Variants in NCAPH2 observed in about 807,000 individuals in gnomAD.
NCAPH2 encodes condensin-2 complex subunit H2.
In NCAPH2, 56 loss-of-function variants were observed where a neutral mutation model predicts 88.6. That is an observed-to-expected ratio of 0.63 (90% CI 0.51 to 0.79). NCAPH2 has a LOEUF of 0.79. Ranked by LOEUF, NCAPH2 falls within the 30% of genes least tolerant of loss-of-function variation. The pLI is 0.00. For missense variants in NCAPH2, 794 were observed against 792.0 expected (o/e 1.00, Z -0.03); for synonymous variants, 378 against 313.6 (o/e 1.21, Z -2.17).
In NCAPH2 at chr22:50,508,399, A is replaced by G; in HGVS notation, c.62A>G (p.Asn21Ser). The change falls in exon 1 of 20, where the codon AAC becomes AGC. Residue 21 changes from asparagine (N) to serine (S), a missense_variant. Asn to Ser is a conservative substitution (Grantham distance 46). Around this residue, in one of 2 missense-constraint regions of NCAPH2, gnomAD observed 59 missense variants for 95.7 expected, o/e 0.62. Transcript: ENST00000420993. ...LLQPIRDLTK[N>S]WEVDVAAQLG... Reference sequence around the variant, plus strand: ...CAGCCCATCCGCGACCTCACCAAGAACTGGGAGGTGGACGTGGCGGCCCAG... The same window carrying G: ...CAGCCCATCCGCGACCTCACCAAGAGCTGGGAGGTGGACGTGGCGGCCCAG... 1 of 1,475,812 alleles carries G rather than the reference A, an allele frequency of 6.8e-7. No individual in the cohort carries two copies. Among genetic ancestry groups the G allele is most frequent in the Non-Finnish European group, 9.0e-7 (1 of 1,115,216 alleles). 91.4% of individuals were successfully genotyped at this position (1,475,812 alleles called of 1,614,324 possible). A position where few individuals can be genotyped will look rare whatever the true frequency, so the allele number is the denominator to read the frequency against.
Position 50,524,662 on chromosome 22 carries a change from C to T in NCAPH2, c.*1287C>T. On this transcript the variant is annotated 3_prime_UTR_variant, in exon 20 of 20. Coordinates refer to ENST00000420993, the MANE Select transcript of NCAPH2 (RefSeq NM_152299.4). Reference sequence around the variant, plus strand: ...GGGATCACCAGCCTGTCACCGCACCCTGCCCTGCACCTGCACCTCAGCAAG... The same window carrying T: ...GGGATCACCAGCCTGTCACCGCACCTTGCCCTGCACCTGCACCTCAGCAAG... 1 of 690,046 alleles carries T rather than the reference C, an allele frequency of 1.4e-6. No homozygotes were observed. Among genetic ancestry groups the T allele is most frequent in the Non-Finnish European group, 2.7e-6 (1 of 367,666 alleles). 42.7% of individuals were successfully genotyped at this position (690,046 alleles called of 1,614,324 possible).
intron 1 of NCAPH2, among the ~76,000 whole-genome samples, chr22:50,509,988 G>T (rs555013520): frequency 6.6e-6 from 1 of 152,070 alleles, no homozygotes; most frequent in Non-Finnish European, 1.5e-5. Context: ...GCAGTGGCGC[G>T]ATCTGAGCTC....
intron 8 of NCAPH2, 92 bp from the exon 9 acceptor site, chr22:50,519,098 A>T: frequency 1.6e-6 from 2 of 1,275,576 alleles, no homozygotes; most frequent in Non-Finnish European, 2.1e-6. Context: ...TCCGTGACTA[A>T]AGCTGAGGGA....
At chr22:50,508,571 G>A in intron 1 of NCAPH2, 126 bp downstream of exon 1, 2 of 600,798 alleles carry the variant, frequency 3.3e-6, no homozygotes, top group Non-Finnish European at 5.2e-6. Context: ...CTCTGGCCGC[G>A]CAGGTCCTCG....
chr22:50,523,769 C>A lies in NCAPH2; in HGVS notation c.*394C>A. 1.2e-6 allele frequency: 2 copies of A among 1,614,166 alleles called. 1 individual carries two copies. Among genetic ancestry groups the A allele is most frequent in the South Asian group, 2.2e-5 (2 of 91,084 alleles). ...TCCACGATGTAGTCCTGGTCCTCAT[C>A]CTTGGGGCCTGCATTGTAGTACACG... On this transcript the variant is annotated 3_prime_UTR_variant, in exon 20 of 20. Coordinates refer to ENST00000420993, the MANE Select transcript of NCAPH2 (RefSeq NM_152299.4).
chr22:50,519,520 G>C (rs2069025239), intron 9 of NCAPH2, 200 bp downstream of exon 9: 2 of 1,416,350 alleles, frequency 1.4e-6, no homozygotes, highest in Admixed American at 3.0e-5. Context: ...TCCCCTCTCT[G>C]AGCAGAACTG....
Position 50,508,233 on chromosome 22 carries a change from TG to T in NCAPH2, c.-102del. 2.3e-6 allele frequency: 2 copies of T among 875,818 alleles called. No individual in the cohort carries two copies. Among genetic ancestry groups the T allele is most frequent in the Non-Finnish European group, 1.7e-6 (1 of 599,248 alleles). The allele number at this position is 875,818 out of a possible 1,614,324, so 54.3% of individuals were successfully genotyped here. Reference sequence around the variant, plus strand: ...GCGACGCCGCGCCTACGCATTTTCCTGGGCGGGAACAGCAAAATGGCGCCAG... The same window carrying T: ...GCGACGCCGCGCCTACGCATTTTCCTGGCGGGAACAGCAAAATGGCGCCAG... On this transcript the variant is annotated 5_prime_UTR_variant, in exon 1 of 20. Coordinates refer to ENST00000420993, the MANE Select transcript of NCAPH2 (RefSeq NM_152299.4).
rs200790371 is a variant in NCAPH2 at position 50,522,361 on chromosome 22, C to T, written c.1252C>T (p.Arg418Trp). The T allele has an allele frequency of 1.2e-5, 19 of 1,605,704 alleles. No homozygotes were observed. Among genetic ancestry groups the T allele is most frequent in the Non-Finnish European group, 1.4e-5 (17 of 1,175,406 alleles). Residue 418 changes from arginine to tryptophan, a missense_variant, in exon 15 of 20, where the codon CGG becomes TGG. Physicochemically the swap from Arg to Trp is moderately radical, Grantham distance 101. Transcript: ENST00000420993. The stretch of plus-strand genomic sequence containing the variant: ...TGGACAGGTGGCTGAGCAGTGGCTG[C>T]GGCCTGCAGAGGAGGACCACCTGGA... ...QRREVAEQWL[R>W]PAEEDHLEDS...
At chr22:50,513,059 T>C (rs1424599210) in intron 1 of NCAPH2, among the ~76,000 whole-genome samples, 3 of 152,150 alleles carry the variant, frequency 2.0e-5, no homozygotes, top group Non-Finnish European at 4.4e-5. Flanking sequence ...TAAATATGCA[T>C]TTGGTGTTTA....
rs373113008 is a variant in NCAPH2 at position 50,518,653 on chromosome 22, C to T, written c.651C>T (p.Thr217=). The T allele has an allele frequency of 1.9e-5, 30 of 1,606,126 alleles. No homozygotes were observed. The highest frequency in any genetic ancestry group is 2.4e-5 in the Non-Finnish European group (28 of 1,177,608). ...TCTGATCCCTGTCTCTCCCAGACAC[C>T]GGGAGGACTGAGGAGCAGCCAATGG... The part of the protein sequence containing the change: ...VSPMPGTQKD[T]GRTEEQPMEV... The change falls in exon 8 of 20, where the codon ACC becomes ACT. Residue 217 remains threonine, a synonymous_variant. Coordinates refer to ENST00000420993, the MANE Select transcript of NCAPH2 (RefSeq NM_152299.4).
At chr22:50,517,320 T>G in intron 2 of NCAPH2, 107 bp from the exon 3 acceptor site, 1 of 1,120,130 alleles carries the variant, frequency 8.9e-7, no homozygotes, top group Non-Finnish European at 1.4e-6. Flanking sequence ...GTACTGGAGG[T>G]TTGGTGGTGG....
At chr22:50,520,010 AC>A (rs1192640747) in intron 9 of NCAPH2, among the ~76,000 whole-genome samples, 5 of 151,970 alleles carry the variant, frequency 3.3e-5, no homozygotes, top group Non-Finnish European at 7.4e-5. Flanking sequence ...AGCTGGGACT[AC>A]AGGCGCCCGC....
chr22:50,518,880 G>A (rs998203889), intron 8 of NCAPH2, 148 bp downstream of exon 8: 61 of 859,848 alleles, frequency 7.1e-5, no homozygotes, highest in Non-Finnish European at 9.2e-5. Context: ...GCCTCGCCCC[G>A]GGGAAGCAGC....
chr22:50,520,898 TC>T (rs1195454764), intron 9 of NCAPH2, 66 bp from the exon 10 acceptor site: 19 of 1,526,428 alleles, frequency 1.2e-5, no homozygotes, highest in Non-Finnish European at 1.7e-5. Context: ...AAGGTGGAGT[TC>T]CTGGGGTACC....
intron 1 of NCAPH2, among the ~76,000 whole-genome samples, chr22:50,513,154 T>C (rs1326166840): frequency 1.3e-5 from 2 of 152,238 alleles, no homozygotes; most frequent in Non-Finnish European, 2.9e-5. Context: ...GCGTTAGAGA[T>C]GTACTCTGAA....
Position 50,524,645 on chromosome 22 carries a change from C to T in NCAPH2, c.*1270C>T. On this transcript the variant is annotated 3_prime_UTR_variant, in exon 20 of 20. Coordinates refer to ENST00000420993, the MANE Select transcript of NCAPH2 (RefSeq NM_152299.4). ...ACTCCTGTCCTCTACCTGGGATCAC[C>T]AGCCTGTCACCGCACCCTGCCCTGC... is the stretch of plus-strand genomic sequence containing the variant. 1.4e-6 allele frequency: 1 copy of T among 701,950 alleles called. No individual in the cohort carries two copies. Among genetic ancestry groups the T allele is most frequent in the Non-Finnish European group, 2.7e-6 (1 of 375,546 alleles). 43.5% of individuals were successfully genotyped at this position (701,950 alleles called of 1,614,324 possible). A position where few individuals can be genotyped will look rare whatever the true frequency, so the allele number is the denominator to read the frequency against.
Position 50,517,804 on chromosome 22 carries a change from C to G in NCAPH2, c.415C>G (p.Pro139Ala). 1 of 1,613,886 alleles carries G rather than the reference C, an allele frequency of 6.2e-7. No homozygotes were observed. Among genetic ancestry groups the G allele is most frequent in the East Asian group, 2.2e-5 (1 of 44,888 alleles). Residue 139 changes from proline to alanine, a missense_variant, in exon 5 of 20, where the codon CCC (proline) becomes GCC (alanine). Coordinates refer to ENST00000420993, the MANE Select transcript of NCAPH2 (RefSeq NM_152299.4). ...CGTGGATCTCAAGAATGATCAGACG[C>G]CCAGTGTGAGTCCTGGCCTGGCCCC... is the stretch of plus-strand genomic sequence containing the variant. Reference protein sequence around the residue: ...TNVDLKNDQTPSEVLIIPLLP... With the variant: ...TNVDLKNDQTASEVLIIPLLP...
In NCAPH2 at chr22:50,522,207, G is replaced by T. The variant is rs746456468; in HGVS notation, c.1189G>T (p.Val397Leu). 3 of 1,613,722 alleles carry T rather than the reference G, an allele frequency of 1.9e-6. No individual in the cohort carries two copies. The highest frequency in any genetic ancestry group is 1.7e-6 in the Non-Finnish European group (2 of 1,179,974). The change falls in exon 14 of 20, where the codon GTG (valine) becomes TTG (leucine). Residue 397 changes from valine to leucine, a missense_variant. Transcript: ENST00000420993. ...CATGGAGGTCCTGTACTGGACACAC[G>T]TGAAGGAGCAGTTGGAAACTCTCCG... ...ADMEVLYWTH[V>L]KEQLETLRKL...
chr22:50,523,575 C>G lies in NCAPH2; in HGVS notation c.*200C>G. 1 of 1,605,514 alleles carries G rather than the reference C, an allele frequency of 6.2e-7. No individual in the cohort carries two copies. Among genetic ancestry groups the G allele is most frequent in the Admixed American group, 1.7e-5 (1 of 59,704 alleles). On this transcript the variant is annotated 3_prime_UTR_variant, in exon 20 of 20. Transcript: ENST00000420993. Reference sequence around the variant, plus strand: ...ATCACACACACACACAGATTAAACGCAGCCCGTTTAATGATGGGGCCCAGA... The same window carrying G: ...ATCACACACACACACAGATTAAACGGAGCCCGTTTAATGATGGGGCCCAGA...
Sources: allele counts gnomAD v4.1 joint callset (sites outside exome capture counted in the v4.1 genomes callset), GRCh38; gene constraint gnomAD v4.1.1; regional missense constraint gnomAD v4.1.1; transcripts MANE v1.5; gene names NCBI Gene and HGNC (gene_info 2026-07-23, HGNC 2026-07-21).